Variants in TAOK3 observed in about 807,000 individuals in gnomAD.
TAOK3 encodes the protein TAO kinase 3.
TAOK3 carries 40 observed loss-of-function variants against 120.4 expected under a neutral mutation model. The observed-to-expected ratio is 0.33, with a 90% CI of 0.26 to 0.43. The LOEUF is 0.43. Ranked by LOEUF, TAOK3 falls within the 20% of genes least tolerant of loss-of-function variation. TAOK3 has a pLI of 1.00. For synonymous variants in TAOK3, 355 were observed against 387.5 expected (o/e 0.92, Z 0.99); for missense variants, 821 against 1,112.1 (o/e 0.74, Z 3.72).
intron 15 of TAOK3, among the ~76,000 whole-genome samples, chr12:118,180,708 T>C (rs926435558): frequency 6.6e-6 from 1 of 152,202 alleles, no homozygotes; most frequent in Admixed American, 6.5e-5. Context: ...CAGTTTTCTT[T>C]TGAAGAGGAC....
intron 17 of TAOK3, among the ~76,000 whole-genome samples, chr12:118,162,468 A>G (rs530995958): frequency 6.6e-6 from 1 of 152,154 alleles, no homozygotes; most frequent in Non-Finnish European, 1.5e-5. Context: ...TGAAATTCTT[A>G]TAACTGTCTG....
intron 1 of TAOK3, among the ~76,000 whole-genome samples, chr12:118,338,015 C>T (rs1438656895): frequency 2.0e-5 from 3 of 152,048 alleles, no homozygotes; most frequent in Admixed American, 2.0e-4. Context: ...AGGGTACACC[C>T]GACCTCTCAG....
chr12:118,210,100 A>G (rs1444397585), intron 11 of TAOK3, among the ~76,000 whole-genome samples: 6 of 152,272 alleles, frequency 3.9e-5, no homozygotes, highest in African/African-American at 9.6e-5. Context: ...AAATAAATAA[A>G]TAAGTATTTG....
chr12:118,321,898 G>A (rs1043245162), intron 1 of TAOK3, among the ~76,000 whole-genome samples: 2 of 151,922 alleles, frequency 1.3e-5, no homozygotes, highest in Admixed American at 1.3e-4. Flanking sequence ...AAGATGGAAA[G>A]GTGGAAAAGA....
chr12:118,238,174 G>GAAAA lies in TAOK3; in HGVS notation c.341-6_341-5insTTTT. 1 of 1,576,332 alleles carries GAAAA rather than the reference G, an allele frequency of 6.3e-7. No individual in the cohort carries two copies. Among genetic ancestry groups the GAAAA allele is most frequent in the South Asian group, 1.1e-5 (1 of 86,990 alleles). On this transcript the variant is annotated splice_region_variant and splice_polypyrimidine_tract_variant and intron_variant, in intron 6 of 20. Coordinates refer to ENST00000392533, the MANE Select transcript of TAOK3 (RefSeq NM_016281.4). ...CCTGAAGTGGTTTTTTATGAACTGAGGAAGGAAAAAAAAAAAAGTCAGTAG... is the reference window on the plus strand; with the variant it reads ...CCTGAAGTGGTTTTTTATGAACTGAGAAAAGAAGGAAAAAAAAAAAAGTCAGTAG...
intron 16 of TAOK3, among the ~76,000 whole-genome samples, chr12:118,173,563 T>C (rs1555212849): frequency 6.6e-6 from 1 of 152,188 alleles, no homozygotes; most frequent in Non-Finnish European, 1.5e-5. Context: ...GCAGACAGAT[T>C]CCAAAGAGAA....
intron 13 of TAOK3, among the ~76,000 whole-genome samples, chr12:118,194,748 T>A (rs61349665): frequency 0.015 from 2,328 of 151,882 alleles, 60 homozygotes; most frequent in African/African-American, 0.053. Flanking sequence ...TAGAATGGCT[T>A]TTTTTCCCCC....
rs762453667 is a variant in TAOK3, at chr12:118,243,460, A to G, written c.249T>C (p.Asn83=). The change falls in exon 5 of 21, where the codon AAT becomes AAC. Residue 83 remains asparagine, a synonymous_variant. Transcript: ENST00000392533. ...VKFLRQLKHP[N]TIEYKGCYLK... ...AGTAACAGCCTTTGTACTCAATAGT[A>G]TTAGGATGCTTCAATTGTCGTAAAA... 6.4e-7 allele frequency: 1 copy of G among 1,553,700 alleles called. No individual in the cohort carries two copies. Among genetic ancestry groups the G allele is most frequent in the East Asian group, 2.4e-5 (1 of 42,124 alleles).
chr12:118,317,037 T>C (rs1269851596), intron 1 of TAOK3, among the ~76,000 whole-genome samples: 1 of 151,678 alleles, frequency 6.6e-6, no homozygotes, highest in Non-Finnish European at 1.5e-5. Flanking sequence ...CCAAGGTGGG[T>C]GGATTGCTTG....
intron 9 of TAOK3, among the ~76,000 whole-genome samples, chr12:118,223,836 T>C (rs1421413463): frequency 6.6e-6 from 1 of 152,054 alleles, no homozygotes; most frequent in African/African-American, 2.4e-5. Context: ...GACAGGGTTT[T>C]GCCATGTTGG....
At position 118,243,461 on chromosome 12, in the gene TAOK3, T is replaced by A; in HGVS notation, c.248A>T (p.Asn83Ile). 1 of 1,552,272 alleles carries A rather than the reference T, an allele frequency of 6.4e-7. No individual in the cohort carries two copies. ...GTAACAGCCTTTGTACTCAATAGTA[T>A]TAGGATGCTTCAATTGTCGTAAAAA... ...VKFLRQLKHP[N>I]TIEYKGCYLK... The change falls in exon 5 of 21, where the codon AAT becomes ATT. Residue 83 changes from asparagine (N) to isoleucine (I), a missense_variant. Asn to Ile is a moderately radical substitution (Grantham distance 149). Transcript: ENST00000392533.
At chr12:118,179,373 C>T (rs1189411740) in intron 15 of TAOK3, among the ~76,000 whole-genome samples, 1 of 152,176 alleles carries the variant, frequency 6.6e-6, no homozygotes, top group African/African-American at 2.4e-5. Flanking sequence ...ACTGCTTGAG[C>T]AGGCAGATCT....
chr12:118,269,704 T>G (rs1363237426), intron 1 of TAOK3, among the ~76,000 whole-genome samples: 1 of 152,166 alleles, frequency 6.6e-6, no homozygotes, highest in Non-Finnish European at 1.5e-5. Flanking sequence ...TGCATGCATA[T>G]TCTCTTCATC....
intron 14 of TAOK3, among the ~76,000 whole-genome samples, chr12:118,184,415 A>G (rs1216392633): frequency 6.6e-6 from 1 of 152,210 alleles, no homozygotes; most frequent in Non-Finnish European, 1.5e-5. Flanking sequence ...GAGTTTTAAG[A>G]ATACACCTTT....
At chr12:118,367,179 A>G (rs979764038) in intron 1 of TAOK3, among the ~76,000 whole-genome samples, 8 of 152,360 alleles carry the variant, frequency 5.3e-5, no homozygotes, top group Admixed American at 4.6e-4. Flanking sequence ...TCTGATAACA[A>G]ATAAAGAAAT....
At chr12:118,369,644 C>G (rs926251946) in intron 1 of TAOK3, among the ~76,000 whole-genome samples, 1 of 152,152 alleles carries the variant, frequency 6.6e-6, no homozygotes, top group Non-Finnish European at 1.5e-5. Context: ...CCATTTCATA[C>G]ATTATATGCA....
At chr12:118,302,703 G>C (rs2042922817) in intron 1 of TAOK3, among the ~76,000 whole-genome samples, 1 of 152,062 alleles carries the variant, frequency 6.6e-6, no homozygotes, top group Non-Finnish European at 1.5e-5. Flanking sequence ...AGACATGTTG[G>C]ATAAATGAAT....
At chr12:118,213,061 C>A in intron 10 of TAOK3, 66 bp from the exon 11 acceptor site, 1 of 1,026,788 alleles carries the variant, frequency 9.7e-7, no homozygotes, top group Admixed American at 3.3e-5. Flanking sequence ...TTACTTAAAA[C>A]AATTTTCATT....
intron 1 of TAOK3, among the ~76,000 whole-genome samples, chr12:118,369,526 T>G (rs2045840613): frequency 6.6e-6 from 1 of 152,198 alleles, no homozygotes. Context: ...AAACAACCAT[T>G]TGTACCAGTC....
Sources: allele counts gnomAD v4.1 joint callset (sites outside exome capture counted in the v4.1 genomes callset), GRCh38; gene constraint gnomAD v4.1.1; transcripts MANE v1.5; gene names NCBI Gene and HGNC (gene_info 2026-07-23, HGNC 2026-07-21).